Variants in ODAD1 observed in about 807,000 individuals in gnomAD.
ODAD1 encodes the protein outer dynein arm-docking complex subunit 1.
Under a neutral mutation model 67.2 loss-of-function variants are expected in ODAD1, and 49 were observed. The ratio of observed to expected loss-of-function variants is 0.73; its 90% CI spans 0.58 to 0.92. ODAD1 has a LOEUF of 0.92. Ranked by LOEUF, ODAD1 falls within the 40% of genes least tolerant of loss-of-function variation. The pLI, the probability that ODAD1 is intolerant of heterozygous loss-of-function variation, is 0.00. For missense variants in ODAD1, 897 were observed against 953.7 expected (o/e 0.94, Z 0.78); for synonymous variants, 345 against 393.7 (o/e 0.88, Z 1.46).
At chr19:48,311,127 G>C (rs1212425432) in intron 7 of ODAD1, among the ~76,000 whole-genome samples, 3 of 152,152 alleles carry the variant, frequency 2.0e-5, no homozygotes, top group African/African-American at 4.8e-5. Context: ...CAGGAGAATT[G>C]CTTGAATCTG....
At position 48,299,530 on chromosome 19, in the gene ODAD1, G is replaced by A. The variant is rs912279963; in HGVS notation, c.1241-1190C>T. 2.0e-5 allele frequency among the ~76,000 whole-genome samples: 3 copies of A among 152,052 alleles called. No homozygotes were observed. In the South Asian group the frequency reaches 6.2e-4, roughly 32 times the overall value. The stretch of plus-strand genomic sequence containing the variant: ...AAAAATAAGAAAGATGAGGCCCGGC[G>A]CAGTGGCTCACACCTGTAATCCCAG... On this transcript the variant is annotated intron_variant, in intron 12 of 15. Coordinates refer to ENST00000674294, the MANE Select transcript of ODAD1 (RefSeq NM_001364171.2).
At position 48,298,312 on chromosome 19, in the gene ODAD1, A is replaced by G; in HGVS notation, c.1269T>C (p.His423=). 6.2e-7 allele frequency: 1 copy of G among 1,614,186 alleles called. No individual in the cohort carries two copies. The highest frequency in any genetic ancestry group is 8.5e-7 in the Non-Finnish European group (1 of 1,180,024). The change falls in exon 13 of 16, where the codon CAT becomes CAC. Residue 423 remains histidine (H), a synonymous_variant. Coordinates refer to ENST00000674294, the MANE Select transcript of ODAD1 (RefSeq NM_001364171.2). ...GGTCATCGATCATGCTGCTGTCGCA[A>G]TGGGCCTTGGTGAAGAGGAGCTGGA... is the stretch of plus-strand genomic sequence containing the variant. ...ADIQLLFTKA[H]CDSSMIDDLL...
Position 48,321,531 on chromosome 19 carries a change from G to T in ODAD1, c.-64+147C>A, listed in dbSNP as rs1161284226. On this transcript the variant is annotated intron_variant, in intron 1 of 15. Coordinates refer to ENST00000674294, the MANE Select transcript of ODAD1 (RefSeq NM_001364171.2). ...GGAGGGGCTTCCCCGTAAGGGGCGG[G>T]CTTCGAGGGTCGCGTTTGGAAGGCC... 9.6e-6 allele frequency: 3 copies of T among 312,396 alleles called. No homozygotes were observed. In the East Asian group the frequency reaches 1.4e-4, roughly 15 times the overall value. The allele number at this position is 312,396 out of a possible 1,614,324, so 19.4% of individuals were successfully genotyped here.
In ODAD1 at chr19:48,302,831, C is replaced by A. The variant is rs372553613; in HGVS notation, c.1103G>T (p.Ser368Ile). ...MQEALVSARA[S>I]KDDQHLLQEQ... ...CTGCAGCAAATGCTGGTCATCCTTG[C>A]TGGCACGTGCGCTCACCAAAGCCTC... Residue 368 changes from serine (S) to isoleucine (I), a missense_variant, in exon 12 of 16, where the codon AGC becomes ATC. Physicochemically the swap from Ser to Ile is moderately radical, Grantham distance 142 (BLOSUM62 -2). Coordinates refer to ENST00000674294, the MANE Select transcript of ODAD1 (RefSeq NM_001364171.2). 3.7e-6 allele frequency: 6 copies of A among 1,613,928 alleles called. No homozygotes were observed. In the African/African-American group the frequency reaches 8.0e-5, roughly 22 times the overall value.
rs1968540892 is a variant in ODAD1, at chr19:48,304,020, G to A, written c.786C>T (p.His262=). The A allele has an allele frequency of 6.2e-7, 1 of 1,614,112 alleles. No homozygotes were observed. Among genetic ancestry groups the A allele is most frequent in the Non-Finnish European group, 8.5e-7 (1 of 1,180,042 alleles). ...GGTCGTTGTTCTTGAGCTTGAGGAA[G>A]TGGTGCAGCTGCTCCAGGTGCAAGA... ...RQILHLEQLH[H]FLKLKNNDRQ... The change falls in exon 9 of 16, where the codon CAC becomes CAT. Residue 262 remains histidine (H), a synonymous_variant. Transcript: ENST00000674294.
chr19:48,313,572 G>A (rs1359201036), intron 5 of ODAD1, among the ~76,000 whole-genome samples: 2 of 151,964 alleles, frequency 1.3e-5, no homozygotes, highest in African/African-American at 2.4e-5. Flanking sequence ...AATCCACTAC[G>A]ACGAGGTGTT....
At position 48,297,452 on chromosome 19, in the gene ODAD1, C is replaced by T; in HGVS notation, c.1648G>A (p.Asp550Asn). Residue 550 changes from aspartate (D) to asparagine (N), a missense_variant, in exon 16 of 16, where the codon GAC becomes AAC. Transcript: ENST00000674294. ...GCCAGGTCCACGCTCAGGGTGCCGT[C>T]CAGCTTCGCGGCGGCGGCGGCCAGG... is the stretch of plus-strand genomic sequence containing the variant. ...KDLAAAAAKL[D>N]GTLSVDLAST... The T allele has an allele frequency of 1.4e-5, 23 of 1,602,670 alleles. No homozygotes were observed. Among genetic ancestry groups the T allele is most frequent in the Non-Finnish European group, 2.0e-5 (23 of 1,178,088 alleles).
At chr19:48,321,252 C>T (rs1969022278) in intron 1 of ODAD1, among the ~76,000 whole-genome samples, 1 of 152,156 alleles carries the variant, frequency 6.6e-6, no homozygotes, top group African/African-American at 2.4e-5. Context: ...AACAAACAAA[C>T]AAACAAACAA....
intron 5 of ODAD1, among the ~76,000 whole-genome samples, chr19:48,313,111 A>G (rs891724240): frequency 1.3e-5 from 2 of 152,250 alleles, no homozygotes; most frequent in East Asian, 3.9e-4. Flanking sequence ...GTGCTCTGTT[A>G]TGGGTTGAAT....
intron 7 of ODAD1, among the ~76,000 whole-genome samples, chr19:48,310,158 C>T (rs897688532): frequency 1.3e-5 from 2 of 151,970 alleles, no homozygotes; most frequent in African/African-American, 4.8e-5. Context: ...CACTTGAACC[C>T]GGGAGGTGGA....
In ODAD1 at chr19:48,303,057, CGTTGATGAA is replaced by C; in HGVS notation, c.1018_1026del (p.Phe340_Asn342del). 6.2e-7 allele frequency: 1 copy of C among 1,614,098 alleles called. No homozygotes were observed. The highest frequency in any genetic ancestry group is 8.5e-7 in the Non-Finnish European group (1 of 1,180,022). On this transcript the variant is annotated inframe_deletion, in exon 11 of 16. Coordinates refer to ENST00000674294, the MANE Select transcript of ODAD1 (RefSeq NM_001364171.2). ...ACATGCTCCAGCTCCAAGTTCTGCTCGTTGATGAAGTTGAACTCAGCAAAGTTGCGCTCC... is the reference window on the plus strand; with the variant it reads ...ACATGCTCCAGCTCCAAGTTCTGCTCGTTGAACTCAGCAAAGTTGCGCTCC...
intron 7 of ODAD1, among the ~76,000 whole-genome samples, chr19:48,308,554 G>A (rs1470310808): frequency 1.3e-5 from 2 of 152,218 alleles, no homozygotes; most frequent in African/African-American, 4.8e-5. Context: ...CCCTGTTGCA[G>A]CCATTACAGT....
intron 12 of ODAD1, among the ~76,000 whole-genome samples, chr19:48,301,953 AG>A (rs1436733563): frequency 4.0e-5 from 6 of 151,538 alleles, no homozygotes; most frequent in African/African-American, 1.5e-4. Flanking sequence ...CTGGATAGAT[AG>A]ATGGATATGG....
chr19:48,297,485 G>A lies in ODAD1; in HGVS notation c.1615C>T (p.Gln539Ter), dbSNP rs1370175054. 2 of 1,603,686 alleles carry A rather than the reference G, an allele frequency of 1.2e-6. No individual in the cohort carries two copies. Among genetic ancestry groups the A allele is most frequent in the Non-Finnish European group, 1.7e-6 (2 of 1,177,214 alleles). Residue 539 changes from glutamine (Q) to a stop codon, truncating the protein, a stop_gained, in exon 16 of 16, where the codon CAG becomes TAG. Coordinates refer to ENST00000674294, the MANE Select transcript of ODAD1 (RefSeq NM_001364171.2). LOFTEE classifies it low-confidence loss of function (END_TRUNC). ...GCGGCGGCGGCGGCCAGGTCCTTCT[G>A]GCGCTGCGCCTCCGCCTGCTCCTGG... Reference protein sequence around the residue: ...ELQEQAEAQRQKDLAAAAAKL... With the variant: ...ELQEQAEAQR
chr19:48,321,969 C>T lies in ODAD1; in HGVS notation c.-355G>A. The stretch of plus-strand genomic sequence containing the variant: ...CCTACCACGTCCGCGCGCTGGAGGG[C>T]GGAAGTGGGTGAGACCTCGGGCACT... On this transcript the variant is annotated 5_prime_UTR_variant, in exon 1 of 16. Transcript: ENST00000674294. 2.6e-6 allele frequency: 1 copy of T among 388,818 alleles called. No individual in the cohort carries two copies. The highest frequency in any genetic ancestry group is 4.6e-6 in the Non-Finnish European group (1 of 219,738). The allele number at this position is 388,818 out of a possible 1,614,324, so 24.1% of individuals were successfully genotyped here.
intron 1 of ODAD1, 49 bp downstream of exon 1, chr19:48,321,629 G>A (rs1348714675): frequency 7.9e-6 from 3 of 380,808 alleles, no homozygotes; most frequent in Admixed American, 4.5e-5. Flanking sequence ...AAGGCCTGCG[G>A]GAGGTCGAAA....
At chr19:48,318,295 T>G in intron 5 of ODAD1, 92 bp downstream of exon 5, 1 of 1,142,778 alleles carries the variant, frequency 8.8e-7, no homozygotes. Flanking sequence ...CCCGGCCTAA[T>G]AGCCCCAATT....
At chr19:48,320,687 A>C (rs1223340289) in intron 2 of ODAD1, 85 bp downstream of exon 2, 1 of 172,974 alleles carries the variant, frequency 5.8e-6, no homozygotes, top group East Asian at 1.8e-4. Context: ...GTTTGGTCGC[A>C]GGAGAGGGGG....
intron 12 of ODAD1, among the ~76,000 whole-genome samples, chr19:48,300,368 T>A (rs567400839): frequency 2.0e-5 from 3 of 152,254 alleles, no homozygotes; most frequent in South Asian, 4.1e-4. Context: ...CCCTACCTCA[T>A]ACCATAATGC....
Sources: allele counts gnomAD v4.1 joint callset (sites outside exome capture counted in the v4.1 genomes callset), GRCh38; gene constraint gnomAD v4.1.1; transcripts MANE v1.5; gene names NCBI Gene and HGNC (gene_info 2026-07-23, HGNC 2026-07-21).